Variants in BRCA1 observed in about 807,000 individuals in gnomAD.
BRCA1 encodes breast cancer type 1 susceptibility protein.
A neutral mutation model predicts 173.7 loss-of-function variants in BRCA1; 140 were observed. The ratio of observed to expected loss-of-function variants is 0.81; its 90% CI spans 0.70 to 0.93. The LOEUF is 0.93. Ranked by LOEUF, BRCA1 falls within the 40% of genes least tolerant of loss-of-function variation. BRCA1 has a pLI of 0.00. For missense variants in BRCA1, 1,983 were observed against 2,172.5 expected (o/e 0.91, Z 1.73); for synonymous variants, 662 against 756.0 (o/e 0.88, Z 2.04).
intron 1 of BRCA1, among the ~76,000 whole-genome samples, chr17:43,131,720 C>CAA (rs869203377): frequency 3.0e-5 from 4 of 132,834 alleles, no homozygotes; most frequent in Non-Finnish European, 3.3e-5. Context: ...GACTCCGTCT[C>CAA]AAAAAAAAAA....
At chr17:43,065,044 A>G (rs546648076) in intron 16 of BRCA1, among the ~76,000 whole-genome samples, 27 of 151,866 alleles carry the variant, frequency 1.8e-4, no homozygotes, top group African/African-American at 6.5e-4. Flanking sequence ...GTTAGCCAGG[A>G]TGGTCTCGAT....
Position 43,070,806 on chromosome 17 carries a change from A to C in BRCA1, c.4986+122T>G, listed in dbSNP as rs2052346360. 3.4e-6 allele frequency: 4 copies of C among 1,169,276 alleles called. No homozygotes were observed. The South Asian group carries it at 5.3e-5, about 15-fold the overall frequency. 72.4% of individuals were successfully genotyped at this position (1,169,276 alleles called of 1,614,324 possible). On this transcript the variant is annotated intron_variant, in intron 15 of 22. Coordinates refer to ENST00000357654, the MANE Select transcript of BRCA1 (RefSeq NM_007294.4). ...ATTAGTAATCGAAATTAAATTACAC[A>C]GAACTGTGATTGTTTTCTAGATTTC...
chr17:43,116,425 G>T (rs2055297922), intron 2 of BRCA1, among the ~76,000 whole-genome samples: 1 of 152,158 alleles, frequency 6.6e-6, no homozygotes, highest in Non-Finnish European at 1.5e-5. Context: ...GAGTGCAGTG[G>T]TGCAAACATA....
intron 15 of BRCA1, among the ~76,000 whole-genome samples, chr17:43,070,086 A>G (rs1445942985): frequency 6.6e-6 from 1 of 152,084 alleles, no homozygotes; most frequent in Non-Finnish European, 1.5e-5. Flanking sequence ...GGCATGCGCC[A>G]CCACGCCCGG....
intron 1 of BRCA1, among the ~76,000 whole-genome samples, chr17:43,133,518 G>T (rs1336097609): frequency 3.9e-5 from 6 of 152,156 alleles, no homozygotes; most frequent in East Asian, 3.9e-4. Flanking sequence ...ATACCAGTGG[G>T]ATGTGAACTG....
upstream of BRCA1, among the ~76,000 whole-genome samples, chr17:43,126,958 A>G (rs2055896459): frequency 1.3e-5 from 2 of 152,044 alleles, no homozygotes; most frequent in South Asian, 4.1e-4. Flanking sequence ...GGGGCCTAGC[A>G]CCCGGGCCAG....
At position 43,064,055 on chromosome 17, in the gene BRCA1, A is replaced by G. The variant is rs1006198365; in HGVS notation, c.5075-104T>C. On this transcript the variant is annotated intron_variant, in intron 16 of 22. Transcript: ENST00000357654. ...TCAGTTTTTTACACTCCCAAGATCA[A>G]TCTGGATTTATGATTCTAAAACCCC... is the stretch of plus-strand genomic sequence containing the variant. 4 of 907,314 alleles carry G rather than the reference A, an allele frequency of 4.4e-6. No individual in the cohort carries two copies. In the African/African-American group the frequency reaches 5.0e-5, roughly 11 times the overall value. The allele number at this position is 907,314 out of a possible 1,614,324, so 56.2% of individuals were successfully genotyped here. A position where few individuals can be genotyped will look rare whatever the true frequency, so the allele number is the denominator to read the frequency against.
intron 4 of BRCA1, 96 bp downstream of exon 4, chr17:43,106,360 G>T (rs1477660503): frequency 1.4e-5 from 11 of 791,356 alleles, no homozygotes; most frequent in Non-Finnish European, 2.2e-5. Context: ...AAATTTTTCT[G>T]ATGAATGGTT....
intron 1 of BRCA1, chr17:43,138,592 G>C: frequency 4.1e-6 from 3 of 733,168 alleles, no homozygotes; most frequent in Non-Finnish European, 7.6e-6. Context: ...CACCATGCCT[G>C]GATGTGGAGT....
chr17:43,131,593 C>T (rs946217453), intron 1 of BRCA1, among the ~76,000 whole-genome samples: 3 of 151,944 alleles, frequency 2.0e-5, no homozygotes, highest in South Asian at 4.1e-4. Flanking sequence ...TGGCAGCAGG[C>T]GCCTGTAGTC....
intron 11 of BRCA1, among the ~76,000 whole-genome samples, chr17:43,084,807 G>C (rs1324410169): frequency 6.6e-6 from 1 of 152,136 alleles, no homozygotes; most frequent in African/African-American, 2.4e-5. Context: ...CCTAGCCAAA[G>C]TCTTGCCTCA....
intron 12 of BRCA1, chr17:43,079,808 C>CTTTG: frequency 1.3e-6 from 1 of 753,258 alleles, no homozygotes; most frequent in African/African-American, 1.8e-5. Context: ...AAAAAAAGAC[C>CTTTG]TTTGGACTGT....
chr17:43,048,225 C>T (rs540613262), intron 21 of BRCA1, among the ~76,000 whole-genome samples: 11 of 151,946 alleles, frequency 7.2e-5, no homozygotes, highest in South Asian at 2.1e-4. Flanking sequence ...TTTTTTGAGA[C>T]GGAGTCTCGC....
intron 7 of BRCA1, among the ~76,000 whole-genome samples, chr17:43,098,556 AG>A (rs1281606966): frequency 6.7e-6 from 1 of 149,514 alleles, no homozygotes; most frequent in Non-Finnish European, 1.5e-5. Context: ...TTTAGTAAAG[AG>A]GGGTTTCACC....
chr17:43,085,796 A>G (rs1484731373), intron 11 of BRCA1, among the ~76,000 whole-genome samples: 1 of 152,190 alleles, frequency 6.6e-6, no homozygotes, highest in Non-Finnish European at 1.5e-5. Flanking sequence ...TCTGGAGGGA[A>G]GCAGAGTGTA....
At chr17:43,094,881 C>A (rs770132088) in intron 9 of BRCA1, 21 bp from the exon 10 acceptor site, 1 of 1,586,690 alleles carries the variant, frequency 6.3e-7, no homozygotes, top group Admixed American at 1.8e-5. Context: ...ACAAAAATAA[C>A]AAGGTACTCA....
In BRCA1 at chr17:43,090,905, CCACACACACGCATGTGCACA is replaced by C. The variant is rs1597857767; in HGVS notation, c.4185+19_4185+38del. 6.5e-7 allele frequency: 1 copy of C among 1,549,656 alleles called. No individual in the cohort carries two copies. The highest frequency in any genetic ancestry group is 8.8e-7 in the Non-Finnish European group (1 of 1,133,768). On this transcript the variant is annotated intron_variant, in intron 11 of 22. Transcript: ENST00000357654. ...TACATACTACTGAATGCAAAGGACA[CCACACACACGCATGTGCACA>C]CACACACACGCTTTTTACCTGAGTG... is the stretch of plus-strand genomic sequence containing the variant.
rs1555597192 is a variant in BRCA1 at position 43,106,464 on chromosome 17, T to A, written c.204A>T (p.Ile68=). ...PSQCPLCKND[I]TKRSLQESTR... ...ATTACCAAATTATATACCTTTTGGT[T>A]ATATCATTCTTACATAAAGGACACT... is the stretch of plus-strand genomic sequence containing the variant. The change falls in exon 4 of 23, where the codon ATA becomes ATT. Residue 68 remains isoleucine (I), a synonymous_variant. Transcript: ENST00000357654. 1 of 1,592,154 alleles carries A rather than the reference T, an allele frequency of 6.3e-7. No homozygotes were observed.
intron 1 of BRCA1, among the ~76,000 whole-genome samples, chr17:43,136,227 G>A (rs2056022140): frequency 6.6e-6 from 1 of 152,186 alleles, no homozygotes. Flanking sequence ...AAACTGGCTA[G>A]CCATATGCAG....
Sources: allele counts gnomAD v4.1 joint callset (sites outside exome capture counted in the v4.1 genomes callset), GRCh38; gene constraint gnomAD v4.1.1; transcripts MANE v1.5; gene names NCBI Gene and HGNC (gene_info 2026-07-23, HGNC 2026-07-21).